CYP19A1: variants seen among roughly 807,000 people sequenced by gnomAD.
The protein encoded by CYP19A1 is aromatase.
In CYP19A1, 32 loss-of-function variants were observed where a neutral mutation model predicts 44.4. That is an observed-to-expected ratio of 0.72 (90% CI 0.54 to 0.97). The LOEUF is 0.97. Among genes scored for constraint, CYP19A1 ranks in the 50% least tolerant of loss-of-function variants. CYP19A1 has a pLI of 0.00. For synonymous variants in CYP19A1, 212 were observed against 215.6 expected, an observed-to-expected ratio of 0.98 and a Z score of 0.14; for missense variants, 598 against 637.8, an observed-to-expected ratio of 0.94 and a Z score of 0.67.
At position 51,236,845 on chromosome 15, in the gene CYP19A1, A is replaced by C; in HGVS notation, c.296+14T>G. On this transcript the variant is annotated intron_variant, in intron 3 of 9. Coordinates refer to ENST00000396402, the MANE Select transcript of CYP19A1 (RefSeq NM_000103.4). ...CGATTTAAAAAGTATGTCTTCGATT[A>C]TGAACAGACTCACTTGCTGATAATG... 1 of 1,614,098 alleles carries C rather than the reference A, an allele frequency of 6.2e-7. No homozygotes were observed. The highest frequency in any genetic ancestry group is 8.5e-7 in the Non-Finnish European group (1 of 1,179,950).
At chr15:51,326,501 G>T (rs549695688) in intron 1 of CYP19A1, among the ~76,000 whole-genome samples, 3 of 152,278 alleles carry the variant, frequency 2.0e-5, no homozygotes, top group South Asian at 4.2e-4. Context: ...AAGCATTATA[G>T]TAGTAAATCC....
At chr15:51,222,023 T>TATAAAGTTG in intron 5 of CYP19A1, 1 of 501,050 alleles carries the variant, frequency 2.0e-6, no homozygotes, top group Non-Finnish European at 3.6e-6. Flanking sequence ...TGGTTAAATA[T>TATAAAGTTG]ATAAAGTTGA....
At position 51,208,108 on chromosome 15, in the gene CYP19A1, T is replaced by G. The variant is rs1199443282; in HGVS notation, c.*2700A>C. The G allele has an allele frequency of 6.6e-6, 1 of 152,214 alleles. No individual in the cohort carries two copies. Among genetic ancestry groups the G allele is most frequent in the Non-Finnish European group, 1.5e-5 (1 of 68,034 alleles). The allele number at this position is 152,214 out of a possible 1,614,324, so 9.4% of individuals were successfully genotyped here. On this transcript the variant is annotated 3_prime_UTR_variant, in exon 10 of 10. Transcript: ENST00000396402. ...TCTTTCTGCAAGAATAGGTGAGAGA[T>G]TCAGTCCCAGAGCCCAGCTGATATA...
intron 1 of CYP19A1, among the ~76,000 whole-genome samples, chr15:51,306,601 T>C (rs1048321762): frequency 9.8e-5 from 15 of 152,356 alleles, no homozygotes; most frequent in Non-Finnish European, 1.9e-4. Context: ...GGAAACATTT[T>C]TAATGACAAA....
At chr15:51,323,927 A>G (rs2036568381) in intron 1 of CYP19A1, 2 of 152,242 alleles carry the variant, frequency 1.3e-5, no homozygotes, top group African/African-American at 2.4e-5. Flanking sequence ...GACACCGCCT[A>G]TGAAAGGACA....
chr15:51,227,799 G>A lies in CYP19A1; in HGVS notation c.431C>T (p.Thr144Ile). ...FNNNPELWKT[T>I]RPFFMKALSG... ...CTTACCTTTCATAAAGAAGGGTCGAGTTGTTTTCCAGAGCTCTGGATTGTT... is the reference window on the plus strand; with the variant it reads ...CTTACCTTTCATAAAGAAGGGTCGAATTGTTTTCCAGAGCTCTGGATTGTT... Residue 144 changes from threonine to isoleucine, a missense_variant, in exon 4 of 10, where the codon ACT becomes ATT. Thr to Ile is a moderately conservative substitution (Grantham distance 89, BLOSUM62 -1). Coordinates refer to ENST00000396402, the MANE Select transcript of CYP19A1 (RefSeq NM_000103.4). The A allele has an allele frequency of 1.3e-6, 2 of 1,540,662 alleles. No homozygotes were observed. Among genetic ancestry groups the A allele is most frequent in the Non-Finnish European group, 1.8e-6 (2 of 1,113,168 alleles).
In CYP19A1 at chr15:51,212,353, G is replaced by A. The variant is rs775991900; in HGVS notation, c.1230C>T (p.Pro410=). ...RMHRLEFFPK[P]NEFTLENFAK... ...CAAAATTTTCAAGAGTAAATTCATT[G>A]GGTTTGGGGAAAAACTCGAGTCTGT... Residue 410 remains proline, a synonymous_variant, in exon 9 of 10, where the codon CCC becomes CCT. Coordinates refer to ENST00000396402, the MANE Select transcript of CYP19A1 (RefSeq NM_000103.4). 4 of 1,600,426 alleles carry A rather than the reference G, an allele frequency of 2.5e-6. No individual in the cohort carries two copies. The highest frequency in any genetic ancestry group is 1.7e-5 in the Admixed American group (1 of 59,986).
rs567533376 is a variant in CYP19A1 at position 51,252,826 on chromosome 15, G to A, written c.-38-9876C>T. ...AGGCTGTAGGAATATGGGGAAATGA[G>A]GTTGTTGCTCTTACGGAGTTAATCT... On this transcript the variant is annotated intron_variant, in intron 1 of 9. Coordinates refer to ENST00000396402, the MANE Select transcript of CYP19A1 (RefSeq NM_000103.4). Among the ~76,000 whole-genome samples the A allele has an allele frequency of 5.3e-5, 8 of 152,324 alleles. No homozygotes were observed. The South Asian group carries it at 1.7e-3, about 32-fold the overall frequency.
intron 1 of CYP19A1, among the ~76,000 whole-genome samples, chr15:51,255,010 T>G (rs1201934840): frequency 1.3e-5 from 2 of 152,014 alleles, no homozygotes; most frequent in African/African-American, 2.4e-5. Context: ...TATGGGAGGA[T>G]GTAACAGAAA....
chr15:51,310,434 T>C (rs1490565102), intron 1 of CYP19A1, among the ~76,000 whole-genome samples: 3 of 152,174 alleles, frequency 2.0e-5, no homozygotes, highest in African/African-American at 4.8e-5. Context: ...TCTTTCTGGA[T>C]AGATAATCTG....
intron 1 of CYP19A1, among the ~76,000 whole-genome samples, chr15:51,281,792 AGG>A (rs2035527870): frequency 6.6e-6 from 1 of 152,218 alleles, no homozygotes; most frequent in African/African-American, 2.4e-5. Flanking sequence ...GCAAGAGTAA[AGG>A]GTACACTGAC....
At chr15:51,242,631 A>T (rs944566430) in intron 2 of CYP19A1, 137 bp downstream of exon 2, 1 of 675,080 alleles carries the variant, frequency 1.5e-6, no homozygotes, top group South Asian at 1.6e-5. Context: ...CCAAGTCCTC[A>T]TTTGCTAACA....
chr15:51,289,046 C>A (rs531959126), intron 1 of CYP19A1, among the ~76,000 whole-genome samples: 1 of 152,272 alleles, frequency 6.6e-6, no homozygotes, highest in South Asian at 2.1e-4. Flanking sequence ...CAAATGCGGT[C>A]ATTGCTACAG....
At chr15:51,315,243 A>G (rs550223978) in intron 1 of CYP19A1, among the ~76,000 whole-genome samples, 86 of 152,302 alleles carry the variant, frequency 5.6e-4, no homozygotes, top group Non-Finnish European at 9.7e-4. Context: ...CAGTCCGGTC[A>G]GAAGGTTATG....
At chr15:51,281,927 A>G (rs1388550818) in intron 1 of CYP19A1, among the ~76,000 whole-genome samples, 1 of 152,230 alleles carries the variant, frequency 6.6e-6, no homozygotes, top group Non-Finnish European at 1.5e-5. Context: ...TGGGATAGAA[A>G]TGGAAGCAGA....
intron 1 of CYP19A1, among the ~76,000 whole-genome samples, chr15:51,322,197 A>G (rs1272208980): frequency 3.9e-5 from 6 of 152,198 alleles, no homozygotes; most frequent in Non-Finnish European, 1.5e-5. Context: ...TTCCCTGTGC[A>G]TGGAAAGGAG....
intron 1 of CYP19A1, among the ~76,000 whole-genome samples, chr15:51,264,749 C>T (rs1343306780): frequency 1.3e-5 from 2 of 151,988 alleles, no homozygotes; most frequent in African/African-American, 4.8e-5. Flanking sequence ...AGTAGCAGTC[C>T]CTTGGTTACA....
At chr15:51,290,956 CA>C (rs1355784221) in intron 1 of CYP19A1, among the ~76,000 whole-genome samples, 2 of 152,146 alleles carry the variant, frequency 1.3e-5, no homozygotes, top group African/African-American at 4.8e-5. Flanking sequence ...TCACGTTGAG[CA>C]TCATTATGGC....
chr15:51,301,204 A>C (rs2036104377), intron 1 of CYP19A1, among the ~76,000 whole-genome samples: 1 of 152,160 alleles, frequency 6.6e-6, no homozygotes, highest in Non-Finnish European at 1.5e-5. Context: ...TATATGAAGA[A>C]ATCCCCAGAA....
Sources: allele counts gnomAD v4.1 joint callset (sites outside exome capture counted in the v4.1 genomes callset), GRCh38; gene constraint gnomAD v4.1.1; transcripts MANE v1.5; gene names NCBI Gene and HGNC (gene_info 2026-07-23, HGNC 2026-07-21).